Variants in DLGAP2 observed in about 807,000 individuals in gnomAD.
The protein encoded by DLGAP2 is DLG associated protein 2.
In DLGAP2, 26 loss-of-function variants were observed where a neutral mutation model predicts 100.3. That is an observed-to-expected ratio of 0.26 (90% confidence interval 0.19 to 0.36). The LOEUF (loss-of-function observed/expected upper bound fraction) is 0.36. Among genes scored for constraint, DLGAP2 ranks in the 10% least tolerant of loss-of-function variants. DLGAP2 has a pLI of 1.00. For missense variants in DLGAP2, 1,858 were observed against 1,453.2 expected, an observed-to-expected ratio of 1.28 and a Z score of -4.53; for synonymous variants, 886 against 630.1, an observed-to-expected ratio of 1.41 and a Z score of -6.08.
At chr8:1,255,492 A>C (rs1474671220) in intron 2 of DLGAP2, among the ~76,000 whole-genome samples, 1 of 89,756 alleles carries the variant, frequency 1.1e-5, no homozygotes, top group Non-Finnish European at 2.1e-5. Context: ...GTGTGTCCTC[A>C]TCTTGCCCGG....
chr8:744,748 T>A lies in DLGAP2; in HGVS notation c.18+6923T>A, dbSNP rs550590641. 1.4e-4 allele frequency among the ~76,000 whole-genome samples: 21 copies of A among 152,368 alleles called. 1 individual carries two copies. In the South Asian group the frequency reaches 3.9e-3, roughly 29 times the overall value. On this transcript the variant is annotated intron_variant, in intron 1 of 14. Coordinates refer to ENST00000637795, the MANE Select transcript of DLGAP2 (RefSeq NM_001346810.2). ...GTCACTCCCTGTTCCCTGCCTGGGC[T>A]GTGCCCCAGCAACACTCTGGCTTCA...
chr8:853,442 G>A (rs766449484), intron 1 of DLGAP2, among the ~76,000 whole-genome samples: 28 of 152,240 alleles, frequency 1.8e-4, no homozygotes, highest in African/African-American at 4.8e-5. Flanking sequence ...GAGAGCAGGT[G>A]TGTGGTATAA....
Position 1,701,289 on chromosome 8 carries a change from G to A in DLGAP2, c.3051G>A (p.Gln1017=). 2.5e-6 allele frequency: 4 copies of A among 1,585,092 alleles called. No individual in the cohort carries two copies. Among genetic ancestry groups the A allele is most frequent in the South Asian group, 1.2e-5 (1 of 86,794 alleles). Reference sequence around the variant, plus strand: ...TGGACCTGCCCGACAGACAACGCCAGGAAGCCCGGAGGCGCCTCATGGCCG... The same window carrying A: ...TGGACCTGCCCGACAGACAACGCCAAGAAGCCCGGAGGCGCCTCATGGCCG... ...KSLDLPDRQR[Q]EARRRLMAAK... is the part of the protein sequence containing the mutation. Residue 1017 remains glutamine, a synonymous_variant, in exon 15 of 15, where the codon CAG becomes CAA. Transcript: ENST00000637795.
At chr8:1,450,636 TC>T (rs143770107) in intron 3 of DLGAP2, among the ~76,000 whole-genome samples, 3,331 of 151,820 alleles carry the variant, frequency 0.022, 105 homozygotes, top group African/African-American at 0.077. Context: ...AACTTTGTCT[TC>T]CCCCCCATCA....
intron 3 of DLGAP2, among the ~76,000 whole-genome samples, chr8:1,498,737 A>G (rs189053115): frequency 1.3e-5 from 2 of 152,214 alleles, no homozygotes; most frequent in Non-Finnish European, 2.9e-5. Context: ...TTCTCTCTCA[A>G]AGCAGCTTAT....
At chr8:1,559,266 T>G (rs1455273459) in intron 5 of DLGAP2, among the ~76,000 whole-genome samples, 1 of 152,188 alleles carries the variant, frequency 6.6e-6, no homozygotes, top group East Asian at 1.9e-4. Context: ...GGAAAGAAAT[T>G]TATTCATTCC....
At chr8:1,693,545 C>A (rs191616056) in intron 13 of DLGAP2, among the ~76,000 whole-genome samples, 34 of 152,268 alleles carry the variant, frequency 2.2e-4, no homozygotes, top group Non-Finnish European at 3.5e-4. Flanking sequence ...CTAGGCCTCG[C>A]GTAGCAATGG....
intron 4 of DLGAP2, among the ~76,000 whole-genome samples, chr8:1,541,160 C>T (rs1378303089): frequency 6.6e-6 from 1 of 152,222 alleles, no homozygotes; most frequent in South Asian, 2.1e-4. Flanking sequence ...TAGGGGAGAG[C>T]TTCACCCAAA....
At chr8:1,491,802 G>A (rs1229843731) in intron 3 of DLGAP2, among the ~76,000 whole-genome samples, 3 of 151,984 alleles carry the variant, frequency 2.0e-5, no homozygotes, top group African/African-American at 4.8e-5. Flanking sequence ...TTTTTTTTCC[G>A]AGTCCAGAAA....
intron 2 of DLGAP2, among the ~76,000 whole-genome samples, chr8:941,061 G>A (rs1465415237): frequency 6.6e-6 from 1 of 152,166 alleles, no homozygotes; most frequent in African/African-American, 2.4e-5. Context: ...ACAGAGCTCA[G>A]CAGTGTGCTT....
At chr8:851,756 G>A (rs1323666013) in intron 1 of DLGAP2, among the ~76,000 whole-genome samples, 1 of 152,126 alleles carries the variant, frequency 6.6e-6, no homozygotes, top group African/African-American at 2.4e-5. Flanking sequence ...CACGATTCAC[G>A]GAGACCACGC....
intron 13 of DLGAP2, among the ~76,000 whole-genome samples, chr8:1,693,054 G>C (rs1454079289): frequency 6.8e-6 from 1 of 146,948 alleles, no homozygotes; most frequent in Admixed American, 6.8e-5. Context: ...AACATATATA[G>C]GTGTATTTAT....
intron 3 of DLGAP2, among the ~76,000 whole-genome samples, chr8:1,374,823 A>T (rs1279705512): frequency 6.6e-6 from 1 of 152,150 alleles, no homozygotes; most frequent in African/African-American, 2.4e-5. Context: ...AGCAGAGGCC[A>T]CTCAGGAAAG....
rs1210853149 is a variant in DLGAP2 at position 737,703 on chromosome 8, G to C, written c.-105G>C. 5.4e-6 allele frequency: 2 copies of C among 370,958 alleles called. No individual in the cohort carries two copies. Among genetic ancestry groups the C allele is most frequent in the Non-Finnish European group, 4.8e-6 (1 of 208,176 alleles). 23.0% of individuals were successfully genotyped at this position (370,958 alleles called of 1,614,324 possible). A position where few individuals can be genotyped will look rare whatever the true frequency, so the allele number is the denominator to read the frequency against. ...GGCGGCGAACGGACGGACGGACCGC[G>C]GACGGACGTACTGACCCCAACCCGC... On this transcript the variant is annotated 5_prime_UTR_variant, in exon 1 of 15. Coordinates refer to ENST00000637795, the MANE Select transcript of DLGAP2 (RefSeq NM_001346810.2).
intron 1 of DLGAP2, among the ~76,000 whole-genome samples, chr8:788,291 T>C (rs1821930661): frequency 6.6e-6 from 1 of 152,232 alleles, no homozygotes; most frequent in South Asian, 2.1e-4. Context: ...ACCCATGTGG[T>C]CTGGTCGAGA....
At chr8:947,943 C>T (rs1301919335) in intron 2 of DLGAP2, among the ~76,000 whole-genome samples, 8 of 131,694 alleles carry the variant, frequency 6.1e-5, no homozygotes, top group Non-Finnish European at 1.4e-4. Context: ...TGGGTTCCAC[C>T]GACCCCGTGC....
At chr8:1,339,198 G>C (rs541190753) in intron 3 of DLGAP2, among the ~76,000 whole-genome samples, 1 of 148,648 alleles carries the variant, frequency 6.7e-6, no homozygotes, top group East Asian at 2.0e-4. Context: ...GACGTGTGAG[G>C]GAAGGCAGTG....
intron 1 of DLGAP2, among the ~76,000 whole-genome samples, chr8:763,222 G>T (rs533847135): frequency 6.6e-6 from 1 of 152,208 alleles, no homozygotes; most frequent in African/African-American, 2.4e-5. Flanking sequence ...CAGCCGGGAT[G>T]AGGACTGGGG....
chr8:1,242,728 A>G (rs146322843), intron 2 of DLGAP2, among the ~76,000 whole-genome samples: 1 of 152,272 alleles, frequency 6.6e-6, no homozygotes, highest in Admixed American at 6.5e-5. Flanking sequence ...GGGTGGATGG[A>G]TGTATGTATG....
Sources: allele counts gnomAD v4.1 joint callset (sites outside exome capture counted in the v4.1 genomes callset), GRCh38; gene constraint gnomAD v4.1.1; transcripts MANE v1.5; gene names NCBI Gene and HGNC (gene_info 2026-07-23, HGNC 2026-07-21).